GPR176: variants seen among roughly 807,000 people sequenced by gnomAD.
GPR176 encodes G-protein coupled receptor 176.
In GPR176, 26 loss-of-function variants were observed where a neutral mutation model predicts 35.4. The ratio of observed to expected loss-of-function variants is 0.74; its 90% confidence interval spans 0.54 to 1.02. The LOEUF is 1.02. GPR176 is among the 50% of genes least tolerant of loss of function. The probability of loss-of-function intolerance (pLI) is 0.00; values close to 1 mark genes in which losing one functional copy is unlikely to be tolerated. For synonymous variants in GPR176, 278 were observed against 271.3 expected, an observed-to-expected ratio of 1.02 and a Z score of -0.24; for missense variants, 597 against 665.3, an observed-to-expected ratio of 0.90 and a Z score of 1.13.
intron 1 of GPR176, among the ~76,000 whole-genome samples, chr15:39,847,176 A>C (rs904458366): frequency 6.6e-6 from 1 of 152,184 alleles, no homozygotes; most frequent in Non-Finnish European, 1.5e-5. Flanking sequence ...TCTTAGGAAA[A>C]TGTTCAAGTA....
chr15:39,870,193 G>A (rs1400447672), intron 1 of GPR176, among the ~76,000 whole-genome samples: 4 of 151,882 alleles, frequency 2.6e-5, no homozygotes, highest in South Asian at 2.1e-4. Context: ...CCTGTGCCTC[G>A]CTCTCACAAG....
At chr15:39,844,258 C>T (rs866950920) in intron 1 of GPR176, among the ~76,000 whole-genome samples, 1 of 152,186 alleles carries the variant, frequency 6.6e-6, no homozygotes, top group Middle Eastern at 3.4e-3. Context: ...CTGGTCCCCA[C>T]CTCAAACATG....
At chr15:39,817,068 C>CAGAAAAAAAAA (rs1899959006) in intron 1 of GPR176, among the ~76,000 whole-genome samples, 1 of 77,294 alleles carries the variant, frequency 1.3e-5, no homozygotes, top group Non-Finnish European at 2.3e-5. Context: ...GATTCTGTCT[C>CAGAAAAAAAAA]AAAAAAAAAA....
chr15:39,827,684 G>C (rs942075670), intron 1 of GPR176, among the ~76,000 whole-genome samples: 4 of 152,148 alleles, frequency 2.6e-5, no homozygotes, highest in African/African-American at 9.7e-5. Flanking sequence ...AGGTAGGTTG[G>C]CAGTATCTAT....
chr15:39,897,390 A>G (rs1157100973), intron 1 of GPR176, among the ~76,000 whole-genome samples: 1 of 152,196 alleles, frequency 6.6e-6, no homozygotes, highest in African/African-American at 2.4e-5. Flanking sequence ...GTCTATACAC[A>G]TTTACAAAAC....
chr15:39,827,634 T>G (rs1345771889), intron 1 of GPR176, among the ~76,000 whole-genome samples: 1 of 152,188 alleles, frequency 6.6e-6, no homozygotes, highest in Non-Finnish European at 1.5e-5. Context: ...ATTTTATTTT[T>G]ATTTTACAGT....
chr15:39,846,292 T>G (rs745801068), intron 1 of GPR176, among the ~76,000 whole-genome samples: 3 of 152,210 alleles, frequency 2.0e-5, no homozygotes, highest in Non-Finnish European at 2.9e-5. Context: ...AGGCTAGCTA[T>G]CCTCACTCAT....
chr15:39,859,862 T>C (rs948578823), intron 1 of GPR176, among the ~76,000 whole-genome samples: 6 of 152,048 alleles, frequency 3.9e-5, no homozygotes, highest in Non-Finnish European at 7.4e-5. Context: ...TTTTGCAAGA[T>C]GAAGAGTTAT....
intron 1 of GPR176, among the ~76,000 whole-genome samples, chr15:39,857,516 A>G (rs922243360): frequency 6.6e-6 from 1 of 152,016 alleles, no homozygotes; most frequent in African/African-American, 2.4e-5. Context: ...TAAAAAATAC[A>G]TAAATTAGTG....
chr15:39,824,974 G>A (rs920316981), intron 1 of GPR176, among the ~76,000 whole-genome samples: 1 of 152,184 alleles, frequency 6.6e-6, no homozygotes. Context: ...GGAGGCCAAA[G>A]TGGGAGGACT....
At chr15:39,824,348 T>C (rs1325725735) in intron 1 of GPR176, among the ~76,000 whole-genome samples, 1 of 152,190 alleles carries the variant, frequency 6.6e-6, no homozygotes, top group Non-Finnish European at 1.5e-5. Flanking sequence ...CAAAGGAGGC[T>C]TCCCAGACCC....
chr15:39,909,869 T>C, intron 1 of GPR176: 1 of 968,436 alleles, frequency 1.0e-6, no homozygotes, highest in Non-Finnish European at 1.2e-6. Flanking sequence ...TTCTTTTAAT[T>C]ACCTGTTGTA....
In GPR176 at chr15:39,920,016, TTA is replaced by T; in HGVS notation, c.9_10del (p.His3GlnfsTer78). 1 of 1,379,714 alleles carries T rather than the reference TTA, an allele frequency of 7.2e-7. No individual in the cohort carries two copies. Among genetic ancestry groups the T allele is most frequent in the Non-Finnish European group, 9.4e-7 (1 of 1,061,830 alleles). 85.5% of individuals were successfully genotyped at this position (1,379,714 alleles called of 1,614,324 possible). On this transcript the variant is annotated frameshift_variant, in exon 1 of 3. Transcript: ENST00000561100. LOFTEE classifies it high-confidence loss of function. ...GGCATTTGGAGAGATCCAGCTCCCG[TTA>T]TGTCCCATGGCGAGGCTGGGACTCC...
At chr15:39,810,211 T>C (rs947322487) in intron 1 of GPR176, among the ~76,000 whole-genome samples, 3 of 151,420 alleles carry the variant, frequency 2.0e-5, no homozygotes, top group Non-Finnish European at 4.4e-5. Context: ...TGTTTACCTA[T>C]GGAACAGACC....
intron 1 of GPR176, chr15:39,894,313 A>C (rs1595513327): frequency 2.1e-5 from 2 of 96,204 alleles, no homozygotes; most frequent in African/African-American, 7.2e-5. Context: ...CGGGGGGCTG[A>C]CCCCCCCACC....
intron 1 of GPR176, among the ~76,000 whole-genome samples, chr15:39,875,932 T>TAC (rs2032226867): frequency 6.7e-6 from 1 of 149,572 alleles, no homozygotes; most frequent in Non-Finnish European, 1.5e-5. Flanking sequence ...TATATATATA[T>TAC]GAGTTTAAAT....
At chr15:39,901,117 G>T (rs1474305623) in intron 1 of GPR176, among the ~76,000 whole-genome samples, 1 of 151,988 alleles carries the variant, frequency 6.6e-6, no homozygotes, top group East Asian at 1.9e-4. Flanking sequence ...ATAGAATATG[G>T]AATGATATGA....
At chr15:39,887,318 G>C (rs1026631718) in intron 1 of GPR176, among the ~76,000 whole-genome samples, 1 of 152,182 alleles carries the variant, frequency 6.6e-6, no homozygotes, top group Non-Finnish European at 1.5e-5. Flanking sequence ...AGCCAGCATA[G>C]TGCATATGTA....
chr15:39,843,437 C>T (rs767714362), intron 1 of GPR176, among the ~76,000 whole-genome samples: 3 of 152,112 alleles, frequency 2.0e-5, no homozygotes, highest in Non-Finnish European at 2.9e-5. Flanking sequence ...AAATTGCTAT[C>T]GACTGCAGCA....
Sources: allele counts gnomAD v4.1 joint callset (sites outside exome capture counted in the v4.1 genomes callset), GRCh38; gene constraint gnomAD v4.1.1; transcripts MANE v1.5; gene names NCBI Gene and HGNC (gene_info 2026-07-23, HGNC 2026-07-21).